Variants in MED23 observed in about 807,000 individuals in gnomAD.
MED23 encodes the protein mediator complex subunit 23.
MED23 carries 105 observed loss-of-function variants against 163.9 expected under a neutral mutation model. The observed-to-expected ratio is 0.64, with a 90% CI of 0.55 to 0.75. The LOEUF (loss-of-function observed/expected upper bound fraction) is 0.75, where lower values mean the gene tolerates loss of function less well. Ranked by LOEUF, MED23 falls within the 30% of genes least tolerant of loss-of-function variation. The probability of loss-of-function intolerance (pLI) is 0.00; values close to 1 mark genes in which losing one functional copy is unlikely to be tolerated. For synonymous variants in MED23, 561 were observed against 565.6 expected, an observed-to-expected ratio of 0.99 and a Z score of 0.12; for missense variants, 1,054 against 1,649.0, an observed-to-expected ratio of 0.64 and a Z score of 6.25.
At chr6:131,582,991 C>A, downstream of MED23, 1 of 1,074,124 alleles carries the variant, frequency 9.3e-7, no homozygotes. Flanking sequence ...ATTTATATTT[C>A]CCTTAAAAGG....
chr6:131,602,921 G>GAATAAT, intron 16 of MED23, 109 bp downstream of exon 16: 1 of 1,154,804 alleles, frequency 8.7e-7, no homozygotes, highest in East Asian at 2.5e-5. Context: ...TATGACAGAT[G>GAATAAT]AATAATAATA....
downstream of MED23, chr6:131,582,657 T>C: frequency 2.5e-6 from 4 of 1,613,936 alleles, no homozygotes; most frequent in Non-Finnish European, 3.4e-6. Context: ...GGTGACTCCC[T>C]GTATATCTGC....
At chr6:131,576,870 A>G (rs1562354263) in intron 30 of MED23, 2 of 760,698 alleles carry the variant, frequency 2.6e-6, no homozygotes, top group Non-Finnish European at 4.6e-6. Flanking sequence ...CGAGAAACAC[A>G]TCCTACAAAA....
chr6:131,591,932 C>G (rs1774672432), intron 25 of MED23: 1 of 231,416 alleles, frequency 4.3e-6, no homozygotes, highest in South Asian at 6.9e-5. Flanking sequence ...AGGCTCTAAG[C>G]TAGCAAAGAA....
At chr6:131,615,214 C>T in intron 10 of MED23, 2 of 1,273,480 alleles carry the variant, frequency 1.6e-6, no homozygotes, top group Non-Finnish European at 2.3e-6. Flanking sequence ...TCAGCATGGT[C>T]CTGCCAATTT....
intron 3 of MED23, chr6:131,627,062 C>A: frequency 4.5e-6 from 1 of 219,982 alleles, no homozygotes; most frequent in Admixed American, 5.3e-5. Context: ...GAATTTGTAT[C>A]CTTGACAAGT....
At chr6:131,592,215 C>T (rs1774695885) in intron 25 of MED23, among the ~76,000 whole-genome samples, 173 bp downstream of exon 25, 2 of 152,154 alleles carry the variant, frequency 1.3e-5, no homozygotes, top group South Asian at 4.1e-4. Flanking sequence ...AAACTAGTCA[C>T]TGTAGATTTT....
chr6:131,582,268 C>T (rs1158334946), downstream of MED23, among the ~76,000 whole-genome samples: 1 of 152,138 alleles, frequency 6.6e-6, no homozygotes, highest in Non-Finnish European at 1.5e-5. Flanking sequence ...AAATTTCCCT[C>T]AGCTGCTCTA....
At chr6:131,611,620 T>C (rs1356869360) in intron 10 of MED23, among the ~76,000 whole-genome samples, 1 of 152,136 alleles carries the variant, frequency 6.6e-6, no homozygotes, top group African/African-American at 2.4e-5. Context: ...TCACTAGTTC[T>C]GCCAACCACC....
intron 10 of MED23, among the ~76,000 whole-genome samples, chr6:131,613,624 C>T (rs868701010): frequency 6.6e-6 from 1 of 152,138 alleles, no homozygotes; most frequent in South Asian, 2.1e-4. Context: ...AGCATATTAT[C>T]TTCTGTCTAC....
chr6:131,583,579 C>T (rs17599586), downstream of MED23: 182,946 of 1,561,086 alleles, frequency 0.12, 11,387 homozygotes, highest in Middle Eastern at 0.2. Flanking sequence ...CAAGTCCCAG[C>T]TGACACTTTC....
intron 6 of MED23, among the ~76,000 whole-genome samples, chr6:131,621,248 T>C (rs1260647337): frequency 6.6e-6 from 1 of 152,180 alleles, no homozygotes. Context: ...CTGGACATTA[T>C]GGTGACTATG....
chr6:131,601,714 T>C (rs1052450816), intron 17 of MED23, among the ~76,000 whole-genome samples: 1 of 152,186 alleles, frequency 6.6e-6, no homozygotes, highest in Non-Finnish European at 1.5e-5. Flanking sequence ...ACACCAGATA[T>C]TAGAGAAGCA....
At chr6:131,627,756 G>C in intron 1 of MED23, 84 bp from the exon 2 acceptor site, 2 of 1,307,046 alleles carry the variant, frequency 1.5e-6, no homozygotes, top group Admixed American at 3.8e-5. Flanking sequence ...ATGTAACACA[G>C]GGCAAGTCAC....
intron 4 of MED23, 82 bp downstream of exon 4, chr6:131,624,783 T>C: frequency 6.7e-7 from 1 of 1,492,584 alleles, no homozygotes; most frequent in African/African-American, 1.4e-5. Context: ...TCTCTTACCT[T>C]TTTACAACAA....
intron 30 of MED23, among the ~76,000 whole-genome samples, chr6:131,575,075 C>A (rs1773549949): frequency 6.6e-6 from 1 of 152,022 alleles, no homozygotes; most frequent in Non-Finnish European, 1.5e-5. Flanking sequence ...GCAGATAGAG[C>A]AAGCAAGAGG....
At position 131,586,983 on chromosome 6, in the gene MED23, C is replaced by G; in HGVS notation, c.*696G>C. 6.7e-7 allele frequency: 1 copy of G among 1,490,252 alleles called. No individual in the cohort carries two copies. 92.3% of individuals were successfully genotyped at this position (1,490,252 alleles called of 1,614,324 possible). A position where few individuals can be genotyped will look rare whatever the true frequency, so the allele number is the denominator to read the frequency against. ...TTTTTAAAAAAAGAAATTGGAGAAT[C>G]AACCATTTAAGCATGATTTTAAGTT... is the stretch of plus-strand genomic sequence containing the variant. On this transcript the variant is annotated 3_prime_UTR_variant, in exon 29 of 29. Coordinates refer to ENST00000368068, the MANE Select transcript of MED23 (RefSeq NM_004830.4).
chr6:131,592,690 T>C, intron 24 of MED23: 1 of 600,570 alleles, frequency 1.7e-6, no homozygotes, highest in South Asian at 2.1e-5. Context: ...TTCATGCTAA[T>C]TTTTAAAAGA....
At chr6:131,589,030 C>G (rs1774386421) in intron 28 of MED23, among the ~76,000 whole-genome samples, 2 of 152,012 alleles carry the variant, frequency 1.3e-5, no homozygotes, top group Non-Finnish European at 2.9e-5. Flanking sequence ...AGTCTCTAGT[C>G]AGGATTAGTC....
Sources: gnomAD v4.1 joint callset for allele counts (sites outside exome capture counted in the v4.1 genomes callset) on GRCh38, gnomAD v4.1.1 for gene constraint, MANE v1.5 for transcripts, NCBI Gene and HGNC (gene_info 2026-07-23, HGNC 2026-07-21) for gene names.